Variants in CHST11 observed in about 807,000 individuals in gnomAD.
The protein encoded by CHST11 is C4S-1.
A neutral mutation model predicts 30.4 loss-of-function variants in CHST11; 9 were observed. The observed-to-expected ratio is 0.30, with a 90% CI of 0.18 to 0.52. The LOEUF is 0.52. CHST11 is among the 20% of genes least tolerant of loss of function. The pLI is 0.97. For synonymous variants in CHST11, 152 were observed against 187.8 expected (o/e 0.81, Z 1.56); for missense variants, 348 against 460.6 (o/e 0.76, Z 2.24).
intron 1 of CHST11, among the ~76,000 whole-genome samples, chr12:104,498,864 G>A (rs2037826207): frequency 6.6e-6 from 1 of 152,178 alleles, no homozygotes; most frequent in African/African-American, 2.4e-5. Flanking sequence ...TTTAGGTAGT[G>A]GGAGAGAGGA....
At chr12:104,544,704 CT>C (rs2038325971) in intron 1 of CHST11, among the ~76,000 whole-genome samples, 1 of 49,220 alleles carries the variant, frequency 2.0e-5, no homozygotes, top group Non-Finnish European at 4.0e-5. Context: ...GAGACTTGGT[CT>C]AAAAAAAAAA....
At chr12:104,507,888 C>T (rs78478488) in intron 1 of CHST11, among the ~76,000 whole-genome samples, 3 of 152,262 alleles carry the variant, frequency 2.0e-5, no homozygotes, top group Admixed American at 6.5e-5. Context: ...GTCACATGGC[C>T]GAGCCCAGCA....
intron 2 of CHST11, among the ~76,000 whole-genome samples, chr12:104,691,746 C>G (rs35833160): frequency 6.6e-6 from 1 of 152,200 alleles, no homozygotes; most frequent in Non-Finnish European, 1.5e-5. Context: ...CCTCAGCCTC[C>G]TAAAGTGCTG....
intron 2 of CHST11, among the ~76,000 whole-genome samples, chr12:104,660,287 G>T (rs570779860): frequency 3.3e-5 from 5 of 152,186 alleles, no homozygotes; most frequent in African/African-American, 4.8e-5. Context: ...AAAGTCTTTC[G>T]TTCCCAAAGC....
At chr12:104,586,776 C>T (rs1184688962) in intron 1 of CHST11, among the ~76,000 whole-genome samples, 10 of 152,276 alleles carry the variant, frequency 6.6e-5, no homozygotes, top group Non-Finnish European at 7.4e-5. Context: ...GCAAAGTAAA[C>T]GTATAAGGCT....
At chr12:104,637,606 A>G (rs1345003154) in intron 2 of CHST11, among the ~76,000 whole-genome samples, 2 of 152,160 alleles carry the variant, frequency 1.3e-5, no homozygotes, top group Non-Finnish European at 2.9e-5. Context: ...AATAAAATGC[A>G]AAGTCTCTAA....
intron 2 of CHST11, among the ~76,000 whole-genome samples, chr12:104,701,166 G>C (rs1173997760): frequency 6.6e-6 from 1 of 152,118 alleles, no homozygotes; most frequent in Non-Finnish European, 1.5e-5. Flanking sequence ...AGGCTCAGAG[G>C]GGTTGAGTAA....
At chr12:104,705,032 A>G (rs994877798) in intron 2 of CHST11, among the ~76,000 whole-genome samples, 4 of 152,154 alleles carry the variant, frequency 2.6e-5, no homozygotes, top group Non-Finnish European at 4.4e-5. Context: ...TAATATTATA[A>G]TATGAAACTC....
At chr12:104,684,289 T>C (rs2039825230) in intron 2 of CHST11, among the ~76,000 whole-genome samples, 3 of 151,724 alleles carry the variant, frequency 2.0e-5, no homozygotes, top group African/African-American at 4.8e-5. Flanking sequence ...GATGGATGGA[T>C]GGATGGATGG....
chr12:104,726,855 C>A (rs767669067), intron 2 of CHST11, among the ~76,000 whole-genome samples: 3 of 152,150 alleles, frequency 2.0e-5, no homozygotes, highest in Non-Finnish European at 4.4e-5. Flanking sequence ...TATATCTGAA[C>A]AATCTCATCT....
At chr12:104,657,868 C>G (rs1359358112) in intron 2 of CHST11, among the ~76,000 whole-genome samples, 2 of 152,174 alleles carry the variant, frequency 1.3e-5, no homozygotes, top group Non-Finnish European at 2.9e-5. Flanking sequence ...TGCCTTGGCT[C>G]AAGCTGGAGC....
At chr12:104,629,662 A>G (rs1204523695) in intron 2 of CHST11, among the ~76,000 whole-genome samples, 11 of 152,146 alleles carry the variant, frequency 7.2e-5, no homozygotes, top group Non-Finnish European at 1.5e-4. Flanking sequence ...TCTCTACTAA[A>G]AATACAAAAT....
At chr12:104,517,345 A>G (rs2038033772) in intron 1 of CHST11, among the ~76,000 whole-genome samples, 1 of 152,226 alleles carries the variant, frequency 6.6e-6, no homozygotes, top group African/African-American at 2.4e-5. Context: ...ACAGGGGAGC[A>G]GCAAGCTGTT....
At chr12:104,680,834 G>C (rs895876573) in intron 2 of CHST11, among the ~76,000 whole-genome samples, 1 of 152,206 alleles carries the variant, frequency 6.6e-6, no homozygotes, top group South Asian at 2.1e-4. Flanking sequence ...CCGCCCCCCT[G>C]TTCCTGCTGT....
intron 1 of CHST11, chr12:104,513,985 G>A (rs2135983360): frequency 1.4e-6 from 1 of 692,222 alleles, no homozygotes; most frequent in South Asian, 1.4e-5. Context: ...GAGTGCTGTG[G>A]GCTTAGCAGG....
In CHST11 at chr12:104,500,923, G is replaced by A. The variant is rs2037847577; in HGVS notation, c.118+43394G>A. ...GTTCCCTAGGCTCTGATCTCTGTAGGATCACGGGTGGGAGGGCAGGTTTGA... is the reference window on the plus strand; with the variant it reads ...GTTCCCTAGGCTCTGATCTCTGTAGAATCACGGGTGGGAGGGCAGGTTTGA... On this transcript the variant is annotated intron_variant, in intron 1 of 2. Transcript: ENST00000303694. Among the ~76,000 whole-genome samples, 4 of 152,168 alleles carry A rather than the reference G, an allele frequency of 2.6e-5. No individual in the cohort carries two copies. The South Asian group carries it at 8.3e-4, about 32-fold the overall frequency.
chr12:104,688,685 C>T (rs1358520273), intron 2 of CHST11, among the ~76,000 whole-genome samples: 5 of 152,122 alleles, frequency 3.3e-5, no homozygotes. Flanking sequence ...GGTATTATTT[C>T]TAATAACAAA....
intron 2 of CHST11, among the ~76,000 whole-genome samples, chr12:104,650,569 G>A (rs899273404): frequency 2.0e-5 from 3 of 152,044 alleles, no homozygotes; most frequent in Admixed American, 6.6e-5. Context: ...TTGGAGACGC[G>A]GGCACAGTGC....
intron 2 of CHST11, among the ~76,000 whole-genome samples, chr12:104,603,879 G>A (rs2038979336): frequency 6.6e-6 from 1 of 152,334 alleles, no homozygotes; most frequent in East Asian, 1.9e-4. Context: ...TGCATGTGGT[G>A]ATGTGTCTTG....
Sources: allele counts gnomAD v4.1 joint callset (sites outside exome capture counted in the v4.1 genomes callset), GRCh38; gene constraint gnomAD v4.1.1; transcripts MANE v1.5; gene names NCBI Gene and HGNC (gene_info 2026-07-23, HGNC 2026-07-21).